BCAR3: variants seen among roughly 807,000 people sequenced by gnomAD.
BCAR3 encodes breast cancer anti-estrogen resistance protein 3.
In BCAR3, 37 loss-of-function variants were observed where a neutral mutation model predicts 80.1. The observed-to-expected ratio is 0.46, with a 90% confidence interval of 0.36 to 0.61. The LOEUF is 0.61. Among genes scored for constraint, BCAR3 ranks in the 20% least tolerant of loss-of-function variants. BCAR3 has a pLI of 0.00. For missense variants in BCAR3, 978 were observed against 1,068.2 expected, an observed-to-expected ratio of 0.92 and a Z score of 1.18; for synonymous variants, 389 against 418.9, an observed-to-expected ratio of 0.93 and a Z score of 0.87.
In BCAR3 at chr1:93,582,836, G is replaced by A; in HGVS notation, c.1151C>T (p.Ser384Leu). 1 of 1,613,428 alleles carries A rather than the reference G, an allele frequency of 6.2e-7. No homozygotes were observed. Among genetic ancestry groups the A allele is most frequent in the East Asian group, 2.2e-5 (1 of 44,846 alleles). Residue 384 changes from serine to leucine, a missense_variant, in exon 7 of 12, where the codon TCA (serine) becomes TTA (leucine). Ser to Leu is a moderately radical substitution (Grantham distance 145). Coordinates refer to ENST00000260502, the MANE Select transcript of BCAR3 (RefSeq NM_003567.4). ...CAGCGCCTCCCCAGCCCTGGCGTCT[G>A]AGGAGACCCTCCGAACCACTGCTGG... ...LSPAVVRRVSSDARAGEALRG... is the reference protein window; with the variant it reads ...LSPAVVRRVSLDARAGEALRG...
intron 3 of BCAR3, among the ~76,000 whole-genome samples, chr1:93,632,745 T>A (rs1316965168): frequency 6.6e-6 from 1 of 152,196 alleles, no homozygotes; most frequent in Non-Finnish European, 1.5e-5. Context: ...GCCACTCTTC[T>A]TTTGATTTTT....
At chr1:93,636,369 G>C (rs1434213957) in intron 3 of BCAR3, among the ~76,000 whole-genome samples, 2 of 152,116 alleles carry the variant, frequency 1.3e-5, no homozygotes, top group Non-Finnish European at 2.9e-5. Context: ...AACCCACCAA[G>C]GCTGACTACA....
At chr1:93,686,301 G>A (rs1191710944), upstream of BCAR3, among the ~76,000 whole-genome samples, 1 of 152,160 alleles carries the variant, frequency 6.6e-6, no homozygotes, top group African/African-American at 2.4e-5. Context: ...AGCTACTCGG[G>A]AGGCTGAGGT....
At chr1:93,636,442 G>A (rs1030705112) in intron 3 of BCAR3, among the ~76,000 whole-genome samples, 2 of 152,002 alleles carry the variant, frequency 1.3e-5, no homozygotes, top group Non-Finnish European at 2.9e-5. Context: ...ATTCCGTCCT[G>A]ACACTTCCTC....
intron 3 of BCAR3, among the ~76,000 whole-genome samples, chr1:93,618,396 T>C (rs1384638579): frequency 6.6e-6 from 1 of 152,250 alleles, no homozygotes; most frequent in Admixed American, 6.5e-5. Context: ...GGAAGCAATA[T>C]TGATCTGCCT....
At chr1:93,709,781 T>C (rs543036079) in intron 2 of BCAR3, among the ~76,000 whole-genome samples, 1 of 152,346 alleles carries the variant, frequency 6.6e-6, no homozygotes, top group South Asian at 2.1e-4. Flanking sequence ...AAAGTCTTTA[T>C]CTGATCAACT....
At chr1:93,835,415 TTCC>T (rs908640343) in intron 2 of BCAR3, among the ~76,000 whole-genome samples, 2 of 152,108 alleles carry the variant, frequency 1.3e-5, no homozygotes, top group African/African-American at 4.8e-5. Flanking sequence ...ACGGCCAGTT[TTCC>T]TCCTCCTCCT....
At chr1:93,746,623 C>T (rs1651368301) in intron 2 of BCAR3, among the ~76,000 whole-genome samples, 1 of 152,160 alleles carries the variant, frequency 6.6e-6, no homozygotes, top group Non-Finnish European at 1.5e-5. Flanking sequence ...TAAATGTAGT[C>T]AAGGCGCCCC....
At chr1:93,846,370 T>C (rs1655179668) in intron 1 of BCAR3, among the ~76,000 whole-genome samples, 1 of 152,174 alleles carries the variant, frequency 6.6e-6, no homozygotes, top group Non-Finnish European at 1.5e-5. Flanking sequence ...GAATCCTCCG[T>C]AGGCGGGGCC....
intron 2 of BCAR3, among the ~76,000 whole-genome samples, chr1:93,819,040 T>C (rs565895444): frequency 1.1e-3 from 160 of 152,270 alleles, no homozygotes; most frequent in Non-Finnish European, 1.9e-3. Flanking sequence ...GATCCACATG[T>C]TGTTATAATT....
intron 1 of BCAR3, among the ~76,000 whole-genome samples, chr1:93,680,348 TC>T (rs1002010683): frequency 6.6e-6 from 1 of 152,182 alleles, no homozygotes; most frequent in African/African-American, 2.4e-5. Context: ...TGGTGTGGGA[TC>T]CCCTGGCTTG....
chr1:93,618,823 A>G (rs1675216618), intron 3 of BCAR3, among the ~76,000 whole-genome samples: 1 of 152,124 alleles, frequency 6.6e-6, no homozygotes, highest in African/African-American at 2.4e-5. Context: ...AGAGCAAAAG[A>G]CACATACTTG....
chr1:93,843,707 G>A (rs373271617), intron 2 of BCAR3, among the ~76,000 whole-genome samples: 6 of 152,250 alleles, frequency 3.9e-5, no homozygotes, highest in Middle Eastern at 3.4e-3. Context: ...TTACCGGTAG[G>A]AATGCCCAGT....
At chr1:93,652,686 C>A (rs1055638506) in intron 2 of BCAR3, among the ~76,000 whole-genome samples, 1 of 151,964 alleles carries the variant, frequency 6.6e-6, no homozygotes, top group Non-Finnish European at 1.5e-5. Flanking sequence ...TGAGTCCTCA[C>A]CCTGTGATTC....
At chr1:93,811,729 A>G (rs1270067460) in intron 2 of BCAR3, among the ~76,000 whole-genome samples, 2 of 152,192 alleles carry the variant, frequency 1.3e-5, no homozygotes, top group African/African-American at 4.8e-5. Flanking sequence ...ACCAATGCTG[A>G]AAAGAAACTT....
intron 3 of BCAR3, among the ~76,000 whole-genome samples, chr1:93,593,342 T>TAA: frequency 6.6e-6 from 1 of 152,194 alleles, no homozygotes; most frequent in Non-Finnish European, 1.5e-5. Flanking sequence ...CTTATCACAC[T>TAA]ACTTTTTAAA....
At chr1:93,639,080 G>A (rs1237437123) in intron 3 of BCAR3, among the ~76,000 whole-genome samples, 2 of 152,192 alleles carry the variant, frequency 1.3e-5, no homozygotes, top group Non-Finnish European at 2.9e-5. Flanking sequence ...CCAGCCTGCT[G>A]GACAAGGTAA....
At chr1:93,568,772 TA>T (rs1673080406) in intron 9 of BCAR3, among the ~76,000 whole-genome samples, 1 of 152,236 alleles carries the variant, frequency 6.6e-6, no homozygotes, top group South Asian at 2.1e-4. Flanking sequence ...AATTTCTGCA[TA>T]ATAGTCCACT....
intron 2 of BCAR3, among the ~76,000 whole-genome samples, chr1:93,724,668 A>G (rs1650519611): frequency 6.6e-6 from 1 of 152,054 alleles, no homozygotes; most frequent in Non-Finnish European, 1.5e-5. Context: ...CATCTGGGAA[A>G]GGTCCCATCT....
Sources: allele counts gnomAD v4.1 joint callset (sites outside exome capture counted in the v4.1 genomes callset), GRCh38; gene constraint gnomAD v4.1.1; transcripts MANE v1.5; gene names NCBI Gene and HGNC (gene_info 2026-07-23, HGNC 2026-07-21).